KCNJ12: variants seen among roughly 807,000 people sequenced by gnomAD.
KCNJ12 encodes the protein potassium inwardly rectifying channel subfamily J member 12.
A neutral mutation model predicts 22.3 loss-of-function variants in KCNJ12; 2 were observed. The ratio of observed to expected loss-of-function variants is 0.09; its 90% confidence interval spans 0.04 to 0.28. The LOEUF is 0.28. Ranked by LOEUF, KCNJ12 falls within the 10% of genes least tolerant of loss-of-function variation. The pLI is 1.00. For synonymous variants in KCNJ12, 117 were observed against 261.4 expected, an observed-to-expected ratio of 0.45 and a Z score of 5.33; for missense variants, 155 against 633.3, an observed-to-expected ratio of 0.24 and a Z score of 8.11.
In KCNJ12 at chr17:21,418,991, C is replaced by A. The variant is rs1332186181; in HGVS notation, c.*2347C>A. ...AGCCCCCACCCTGCGGGAGAGCAGC[C>A]CCAGCGCCTCATCTCCCCAAAGGCG... On this transcript the variant is annotated 3_prime_UTR_variant, in exon 3 of 3. Coordinates refer to ENST00000583088, the MANE Select transcript of KCNJ12 (RefSeq NM_021012.5). 2.4e-5 allele frequency: 4 copies of A among 167,162 alleles called. No individual in the cohort carries two copies. The highest frequency in any genetic ancestry group is 9.6e-5 in the African/African-American group (4 of 41,580). 10.4% of individuals were successfully genotyped at this position (167,162 alleles called of 1,614,324 possible).
rs1420997906 is a variant in KCNJ12 at position 21,418,857 on chromosome 17, G to T, written c.*2213G>T. On this transcript the variant is annotated 3_prime_UTR_variant, in exon 3 of 3. Coordinates refer to ENST00000583088, the MANE Select transcript of KCNJ12 (RefSeq NM_021012.5). ...ACTTGGTGCTGGTGTAGGGGCCTGT[G>T]CCCTTCCAGGGCCAGTGAGACAGCC... The T allele has an allele frequency of 6.0e-5, 10 of 166,884 alleles. No individual in the cohort carries two copies. The highest frequency in any genetic ancestry group is 2.9e-5 in the Non-Finnish European group (2 of 68,240). 10.3% of individuals were successfully genotyped at this position (166,884 alleles called of 1,614,324 possible).
chr17:21,387,151 G>C lies in KCNJ12; in HGVS notation c.-179+10238G>C, dbSNP rs540339356. 2.8e-5 allele frequency among the ~76,000 whole-genome samples: 4 copies of C among 145,116 alleles called. No homozygotes were observed. In the South Asian group the frequency reaches 6.8e-4, roughly 25 times the overall value. On this transcript the variant is annotated intron_variant, in intron 1 of 2. Transcript: ENST00000583088. ...AGCCTGGGTGACAGAGCGAGACTCCGTCTCAAAAACAAAAACAAAAACAAA... is the reference window on the plus strand; with the variant it reads ...AGCCTGGGTGACAGAGCGAGACTCCCTCTCAAAAACAAAAACAAAAACAAA...
At chr17:21,397,550 G>A (rs993347655) in intron 1 of KCNJ12, among the ~76,000 whole-genome samples, 9 of 152,364 alleles carry the variant, frequency 5.9e-5, no homozygotes, top group Admixed American at 1.3e-4. Flanking sequence ...GCCTGGGGAC[G>A]GGAAGGAGAT....
intron 1 of KCNJ12, among the ~76,000 whole-genome samples, chr17:21,379,289 T>C (rs6587147): frequency 0.76 from 115,780 of 152,260 alleles, 44,851 homozygotes; most frequent in African/African-American, 0.92. Flanking sequence ...CCTTGGCATA[T>C]GGCTGGGGCG....
At chr17:21,397,964 T>C in intron 1 of KCNJ12, among the ~76,000 whole-genome samples, 1 of 152,140 alleles carries the variant, frequency 6.6e-6, no homozygotes, top group East Asian at 1.9e-4. Flanking sequence ...TTTTGTTTTT[T>C]GCCTTTGAAC....
At chr17:21,380,169 C>T (rs1904818310) in intron 1 of KCNJ12, among the ~76,000 whole-genome samples, 2 of 152,170 alleles carry the variant, frequency 1.3e-5, no homozygotes, top group Admixed American at 6.5e-5. Context: ...TCCCAGCTCC[C>T]GGGAGCTGTA....
At chr17:21,392,550 C>A (rs946499343) in intron 1 of KCNJ12, among the ~76,000 whole-genome samples, 4 of 152,258 alleles carry the variant, frequency 2.6e-5, no homozygotes, top group African/African-American at 9.6e-5. Flanking sequence ...AGGAGCCCCA[C>A]CAGGGCTGCA....
At chr17:21,397,021 G>T (rs1905390395) in intron 1 of KCNJ12, among the ~76,000 whole-genome samples, 1 of 152,226 alleles carries the variant, frequency 6.6e-6, no homozygotes, top group African/African-American at 2.4e-5. Flanking sequence ...AGTGTGTTTA[G>T]CTCTCTGGGC....
rs1392963045 is a variant in KCNJ12 at position 21,417,986 on chromosome 17, C to G, written c.*1342C>G. ...ATGACTGGGGAGGGCCACGCTCATTCAAAGCTGAATCAGAAACCAGCCGTG... is the reference window on the plus strand; with the variant it reads ...ATGACTGGGGAGGGCCACGCTCATTGAAAGCTGAATCAGAAACCAGCCGTG... On this transcript the variant is annotated 3_prime_UTR_variant, in exon 3 of 3. Coordinates refer to ENST00000583088, the MANE Select transcript of KCNJ12 (RefSeq NM_021012.5). The G allele has an allele frequency of 1.2e-5, 2 of 167,080 alleles. No homozygotes were observed. Among genetic ancestry groups the G allele is most frequent in the African/African-American group, 4.8e-5 (2 of 41,424 alleles). 10.3% of individuals were successfully genotyped at this position (167,080 alleles called of 1,614,324 possible).
intron 1 of KCNJ12, among the ~76,000 whole-genome samples, chr17:21,392,699 G>C (rs1905240393): frequency 6.6e-6 from 1 of 152,248 alleles, no homozygotes. Flanking sequence ...TGGCTGTGTA[G>C]ATGGGTTGTC....
Position 21,408,646 on chromosome 17 carries a change from A to C in KCNJ12, c.-57+6A>C, listed in dbSNP as rs1193224325. On this transcript the variant is annotated splice_donor_region_variant and intron_variant, in intron 2 of 2. Transcript: ENST00000583088. ...TAGAAGATAGAACTCAAGAGGTAAGAGTGAAGTCATTGACATGCTCTTGTG... is the reference window on the plus strand; with the variant it reads ...TAGAAGATAGAACTCAAGAGGTAAGCGTGAAGTCATTGACATGCTCTTGTG... 1 of 152,512 alleles carries C rather than the reference A, an allele frequency of 6.6e-6. No homozygotes were observed. Among genetic ancestry groups the C allele is most frequent in the African/African-American group, 2.4e-5 (1 of 41,498 alleles). 9.4% of individuals were successfully genotyped at this position (152,512 alleles called of 1,614,324 possible). A position where few individuals can be genotyped will look rare whatever the true frequency, so the allele number is the denominator to read the frequency against.
intron 1 of KCNJ12, among the ~76,000 whole-genome samples, chr17:21,405,597 C>T (rs1309994917): frequency 1.3e-5 from 2 of 152,276 alleles, no homozygotes; most frequent in Non-Finnish European, 2.9e-5. Context: ...GGGATTTCAG[C>T]CCCAGCCTCA....
chr17:21,392,473 C>T (rs1252957896), intron 1 of KCNJ12, among the ~76,000 whole-genome samples: 2 of 145,826 alleles, frequency 1.4e-5, no homozygotes, highest in Non-Finnish European at 3.1e-5. Flanking sequence ...TGCAGCTGCT[C>T]AAGGCAGGGG....
In KCNJ12 at chr17:21,418,446, CAGAG is replaced by C. The variant is rs1376879375; in HGVS notation, c.*1805_*1808del. The C allele has an allele frequency of 3.1e-5, 5 of 161,776 alleles. No individual in the cohort carries two copies. The highest frequency in any genetic ancestry group is 3.4e-3 in the Middle Eastern group (1 of 294). The allele number at this position is 161,776 out of a possible 1,614,324, so 10.0% of individuals were successfully genotyped here. A position where few individuals can be genotyped will look rare whatever the true frequency, so the allele number is the denominator to read the frequency against. The stretch of plus-strand genomic sequence containing the variant: ...CAGTGAGTGGGTGGGGTGCAGGAGA[CAGAG>C]AGGGGCTGGGGGCGTGGGGTGGGGG... On this transcript the variant is annotated 3_prime_UTR_variant, in exon 3 of 3. Coordinates refer to ENST00000583088, the MANE Select transcript of KCNJ12 (RefSeq NM_021012.5).
At chr17:21,408,041 C>T (rs1201165773) in intron 1 of KCNJ12, among the ~76,000 whole-genome samples, 32 of 152,176 alleles carry the variant, frequency 2.1e-4, no homozygotes, top group South Asian at 1.7e-3. Flanking sequence ...ATTCATCCAC[C>T]CACCCAGCTA....
chr17:21,418,567 C>T lies in KCNJ12; in HGVS notation c.*1923C>T, dbSNP rs1555563307. ...CAATGGAAGTCAAGACACCCGACCC[C>T]TACATCCTGGGGTAGGCCCGACTCA... On this transcript the variant is annotated 3_prime_UTR_variant, in exon 3 of 3. Coordinates refer to ENST00000583088, the MANE Select transcript of KCNJ12 (RefSeq NM_021012.5). 6.0e-6 allele frequency: 1 copy of T among 167,120 alleles called. No homozygotes were observed. The allele number at this position is 167,120 out of a possible 1,614,324, so 10.4% of individuals were successfully genotyped here. A position where few individuals can be genotyped will look rare whatever the true frequency, so the allele number is the denominator to read the frequency against.
In KCNJ12 at chr17:21,396,996, G is replaced by A. The variant is rs1350280034; in HGVS notation, c.-178-11523G>A. ...ATCTGCCTGGCCTCCATTCCTAGCT[G>A]TGTGACCCTGGGCAAGTGTGTTTAG... is the stretch of plus-strand genomic sequence containing the variant. On this transcript the variant is annotated intron_variant, in intron 1 of 2. Coordinates refer to ENST00000583088, the MANE Select transcript of KCNJ12 (RefSeq NM_021012.5). Among the ~76,000 whole-genome samples, 2 of 152,238 alleles carry A rather than the reference G, an allele frequency of 1.3e-5. 1 individual carries two copies. Among genetic ancestry groups the A allele is most frequent in the Admixed American group, 1.3e-4 (2 of 15,290 alleles).
chr17:21,401,441 C>T (rs1905619387), intron 1 of KCNJ12, among the ~76,000 whole-genome samples: 1 of 152,278 alleles, frequency 6.6e-6, no homozygotes, highest in Non-Finnish European at 1.5e-5. Context: ...CTGACATTTC[C>T]TGCCCTGTGG....
chr17:21,378,508 C>T (rs1904751536), intron 1 of KCNJ12, among the ~76,000 whole-genome samples: 1 of 152,112 alleles, frequency 6.6e-6, no homozygotes, highest in South Asian at 2.1e-4. Context: ...TTGGTGGGGC[C>T]AAGCCGCCTG....
Sources: allele counts gnomAD v4.1 joint callset (sites outside exome capture counted in the v4.1 genomes callset), GRCh38; gene constraint gnomAD v4.1.1; transcripts MANE v1.5; gene names NCBI Gene and HGNC (gene_info 2026-07-23, HGNC 2026-07-21).